AKAP9: variants seen among roughly 807,000 people sequenced by gnomAD.
AKAP9 encodes A-kinase anchor protein 9.
A neutral mutation model predicts 488.5 loss-of-function variants in AKAP9; 311 were observed. That is an observed-to-expected ratio of 0.64 (90% CI 0.58 to 0.70). The LOEUF (loss-of-function observed/expected upper bound fraction) is 0.70. Ranked by LOEUF, AKAP9 falls within the 30% of genes least tolerant of loss-of-function variation. AKAP9 has a pLI of 0.00. For missense variants in AKAP9, 4,215 were observed against 4,374.5 expected (o/e 0.96, Z 1.03); for synonymous variants, 1,462 against 1,483.5 (o/e 0.99, Z 0.33).
chr7:92,087,407 GAAT>G (rs1404348572), intron 37 of AKAP9, among the ~76,000 whole-genome samples: 1 of 152,118 alleles, frequency 6.6e-6, no homozygotes, highest in African/African-American at 2.4e-5. Flanking sequence ...AAAAATAATA[GAAT>G]ATTATGAATA....
At chr7:92,014,203 T>C in intron 9 of AKAP9, 46 bp from the exon 10 acceptor site, 1 of 1,295,750 alleles carries the variant, frequency 7.7e-7, no homozygotes, top group Non-Finnish European at 1.1e-6. Context: ...ATCATAGTTC[T>C]TAAGTATGTA....
In AKAP9 at chr7:92,110,264, G is replaced by C. The variant is rs1347606351; in HGVS notation, c.*105G>C. On this transcript the variant is annotated 3_prime_UTR_variant, in exon 50 of 50. Transcript: ENST00000356239. ...TGTGAATATTCAATGGGACCAATAT[G>C]AACACAGCTTATGATTGTATACAAA... The C allele has an allele frequency of 4.5e-6, 4 of 894,410 alleles. No individual in the cohort carries two copies. The highest frequency in any genetic ancestry group is 7.2e-6 in the Non-Finnish European group (4 of 555,044). 55.4% of individuals were successfully genotyped at this position (894,410 alleles called of 1,614,324 possible).
rs1260813759 is a variant in AKAP9 at position 92,110,132 on chromosome 7, T to C, written c.11697T>C (p.Thr3899=). The C allele has an allele frequency of 1.2e-6, 2 of 1,601,940 alleles. No individual in the cohort carries two copies. Among genetic ancestry groups the C allele is most frequent in the Non-Finnish European group, 1.7e-6 (2 of 1,171,950 alleles). Residue 3899 remains threonine, a synonymous_variant, in exon 50 of 50, where the codon ACT becomes ACC. Transcript: ENST00000356239. The part of the protein sequence containing the change: ...RLGTIQSGST[T]QFHAGMRR ...GTTTTTCTCTCATAGGTTCAACTACTCAATTTCATGCTGGCATGAGAAGAT... is the reference window on the plus strand; with the variant it reads ...GTTTTTCTCTCATAGGTTCAACTACCCAATTTCATGCTGGCATGAGAAGAT...
chr7:91,983,104 C>T lies in AKAP9; in HGVS notation c.351+2771C>T, dbSNP rs534522778. ...TTCTAGGGTACATGTGCACAACATG[C>T]AGGTTTGCTACGTAGGTATACATGT... On this transcript the variant is annotated intron_variant, in intron 3 of 49. Transcript: ENST00000356239. 2.0e-5 allele frequency among the ~76,000 whole-genome samples: 3 copies of T among 151,988 alleles called. No homozygotes were observed. In the East Asian group the frequency reaches 5.8e-4, roughly 29 times the overall value.
intron 37 of AKAP9, 36 bp downstream of exon 37, chr7:92,086,452 G>A: frequency 1.3e-6 from 2 of 1,500,028 alleles, no homozygotes; most frequent in Non-Finnish European, 1.9e-6. Flanking sequence ...CACTTTAATA[G>A]AAATAAGGAA....
At chr7:92,017,599 T>G (rs895948893) in intron 12 of AKAP9, among the ~76,000 whole-genome samples, 3 of 152,284 alleles carry the variant, frequency 2.0e-5, no homozygotes, top group South Asian at 4.1e-4. Flanking sequence ...AAGGCACATA[T>G]TGGCAAGGAT....
Position 91,941,122 on chromosome 7 carries a change from A to G in AKAP9, c.23A>G (p.Lys8Arg), listed in dbSNP as rs963188708. 6.2e-7 allele frequency: 1 copy of G among 1,614,072 alleles called. No individual in the cohort carries two copies. Among genetic ancestry groups the G allele is most frequent in the Non-Finnish European group, 8.5e-7 (1 of 1,179,934 alleles). The change falls in exon 1 of 50, where the codon AAG becomes AGG. Residue 8 changes from lysine to arginine, a missense_variant. By Grantham distance (26) the Lys-to-Arg change is conservative. Coordinates refer to ENST00000356239, the MANE Select transcript of AKAP9 (RefSeq NM_005751.5). MEDEERQ[K>R]KLEAGKAKLA... ...GCCATGGAGGACGAGGAGAGACAGAAGAAGCTGGAGGCCGGCAAAGCCAAG... is the reference window on the plus strand; with the variant it reads ...GCCATGGAGGACGAGGAGAGACAGAGGAAGCTGGAGGCCGGCAAAGCCAAG...
At chr7:92,099,184 C>T (rs1165093460) in intron 43 of AKAP9, among the ~76,000 whole-genome samples, 1 of 152,208 alleles carries the variant, frequency 6.6e-6, no homozygotes, top group Non-Finnish European at 1.5e-5. Context: ...CTTCTAAATA[C>T]CTCTCCCACA....
chr7:92,000,180 G>T (rs1168315564), intron 7 of AKAP9, among the ~76,000 whole-genome samples: 8 of 152,202 alleles, frequency 5.3e-5, no homozygotes, highest in Non-Finnish European at 1.2e-4. Context: ...GAGAGTATCT[G>T]CTTTGCTTTG....
In AKAP9 at chr7:92,065,475, C is replaced by T; in HGVS notation, c.6210+12C>T. 1 of 1,546,782 alleles carries T rather than the reference C, an allele frequency of 6.5e-7. No homozygotes were observed. Among genetic ancestry groups the T allele is most frequent in the African/African-American group, 1.4e-5 (1 of 73,552 alleles). The stretch of plus-strand genomic sequence containing the variant: ...GAAAATTTTTAGATGTAAGTATTCT[C>T]AAGTTGAATACTGATTTTTCTCAGT... On this transcript the variant is annotated intron_variant, in intron 25 of 49. Coordinates refer to ENST00000356239, the MANE Select transcript of AKAP9 (RefSeq NM_005751.5).
Position 92,010,189 on chromosome 7 carries a change from G to A in AKAP9, c.3319-2240G>A, listed in dbSNP as rs567009290. 3.9e-5 allele frequency among the ~76,000 whole-genome samples: 6 copies of A among 152,302 alleles called. No individual in the cohort carries two copies. In the South Asian group the frequency reaches 1.0e-3, roughly 26 times the overall value. ...TAGACACAAACCTTCTTGGGAGGCC[G>A]GGAGGTTTGCATAGCTTCAGTGAAA... On this transcript the variant is annotated intron_variant, in intron 8 of 49. Transcript: ENST00000356239.
At chr7:91,980,495 C>CTTTTTTTTTTTTTTTTTTTTTT (rs60385804) in intron 3 of AKAP9, among the ~76,000 whole-genome samples, 162 bp downstream of exon 3, 1 of 48,756 alleles carries the variant, frequency 2.1e-5, no homozygotes, top group African/African-American at 9.3e-5. Flanking sequence ...GTATTACTGA[C>CTTTTTTTTTTTTTTTTTTTTTT]TTTTTTTTTT....
At chr7:91,948,631 G>A (rs1023339403) in intron 1 of AKAP9, among the ~76,000 whole-genome samples, 49 of 93,846 alleles carry the variant, frequency 5.2e-4, no homozygotes, top group South Asian at 1.4e-3. Context: ...TTTTTTTTGA[G>A]ATGGAGTTTT....
chr7:92,017,217 T>C lies in AKAP9; in HGVS notation c.3837+115T>C, dbSNP rs113444752. ...AAGTAAGAGAACATGAAAAAGGAGA[T>C]TGGGAAAAGTGACATATATTTGTAG... On this transcript the variant is annotated intron_variant, in intron 12 of 49. Transcript: ENST00000356239. 14 of 803,770 alleles carry C rather than the reference T, an allele frequency of 1.7e-5. 1 individual carries two copies. The highest frequency in any genetic ancestry group is 1.4e-4 in the African/African-American group (8 of 58,264). The allele number at this position is 803,770 out of a possible 1,614,324, so 49.8% of individuals were successfully genotyped here.
At chr7:92,066,654 T>C in intron 26 of AKAP9, 108 bp downstream of exon 26, 3 of 1,373,982 alleles carry the variant, frequency 2.2e-6, no homozygotes, top group Non-Finnish European at 3.1e-6. Context: ...TGTATGTAAA[T>C]CTTCAAAATC....
intron 31 of AKAP9, among the ~76,000 whole-genome samples, chr7:92,082,240 T>G (rs1320367883): frequency 1.3e-5 from 2 of 152,234 alleles, no homozygotes; most frequent in Non-Finnish European, 2.9e-5. Flanking sequence ...TGGCCTAAAA[T>G]AGTAATGTAA....
chr7:92,033,442 CTTTTTTTTTTTTT>C (rs35497475), intron 16 of AKAP9, among the ~76,000 whole-genome samples: 2 of 107,374 alleles, frequency 1.9e-5, no homozygotes, highest in African/African-American at 7.2e-5. Flanking sequence ...CTTTTCTTTT[CTTTTTTTTTTTTT>C]TTTTTTTTGA....
intron 5 of AKAP9, among the ~76,000 whole-genome samples, chr7:91,993,338 A>G (rs1798010003): frequency 6.6e-6 from 1 of 151,818 alleles, no homozygotes; most frequent in African/African-American, 2.4e-5. Context: ...ACAGGCATGC[A>G]CTACCACACC....
At chr7:92,042,831 TAG>T in intron 20 of AKAP9, 60 bp downstream of exon 20, 2 of 1,159,038 alleles carry the variant, frequency 1.7e-6, no homozygotes, top group Non-Finnish European at 1.3e-6. Context: ...TTCAATGTAA[TAG>T]ACTTTGTCCT....
Sources: gnomAD v4.1 joint callset for allele counts (sites outside exome capture counted in the v4.1 genomes callset) on GRCh38, gnomAD v4.1.1 for gene constraint, MANE v1.5 for transcripts, NCBI Gene and HGNC (gene_info 2026-07-23, HGNC 2026-07-21) for gene names.